ITIH4: variants seen among roughly 807,000 people sequenced by gnomAD.
ITIH4 encodes the protein inter-alpha-trypsin inhibitor heavy chain H4.
ITIH4 carries 79 observed loss-of-function variants against 111.8 expected under a neutral mutation model. That is an observed-to-expected ratio of 0.71 (90% CI 0.59 to 0.85). ITIH4 has a LOEUF of 0.85. ITIH4 is among the 40% of genes least tolerant of loss of function. The pLI is 0.00. For synonymous variants in ITIH4, 472 were observed against 468.3 expected (o/e 1.01, Z -0.10); for missense variants, 1,065 against 1,195.8 (o/e 0.89, Z 1.61).
At position 52,823,595 on chromosome 3, in the gene ITIH4, C is replaced by T; in HGVS notation, c.1500G>A (p.Arg500=). The change falls in exon 11 of 24, where the codon CGG becomes CGA. Residue 500 remains arginine, a synonymous_variant. Coordinates refer to ENST00000266041, the MANE Select transcript of ITIH4 (RefSeq NM_002218.5). ...CTGTGGCTGTGAGCACATCAGGCCCCCGGTCCTGGAGCTTCCCAGCCACCA... is the reference window on the plus strand; with the variant it reads ...CTGTGGCTGTGAGCACATCAGGCCCTCGGTCCTGGAGCTTCCCAGCCACCA... ...EMVVAGKLQD[R]GPDVLTATVS... is the part of the protein sequence containing the mutation. 1 of 1,613,452 alleles carries T rather than the reference C, an allele frequency of 6.2e-7. No homozygotes were observed. The highest frequency in any genetic ancestry group is 1.3e-5 in the African/African-American group (1 of 75,044).
At chr3:52,816,232 C>A (rs1032860112) in intron 21 of ITIH4, among the ~76,000 whole-genome samples, 1 of 152,192 alleles carries the variant, frequency 6.6e-6, no homozygotes, top group Non-Finnish European at 1.5e-5. Flanking sequence ...GGAAGACTGT[C>A]CCTGGAAGGC....
intron 18 of ITIH4, 63 bp from the exon 19 acceptor site, chr3:52,818,346 G>T: frequency 6.4e-7 from 1 of 1,565,048 alleles, no homozygotes; most frequent in South Asian, 1.2e-5. Flanking sequence ...GTTGAGGGAG[G>T]GAGCAGTGAC....
At position 52,826,838 on chromosome 3, in the gene ITIH4, C is replaced by T. The variant is rs148337590; in HGVS notation, c.472G>A (p.Glu158Lys). The change falls in exon 4 of 24, where the codon GAG becomes AAG. Residue 158 changes from glutamate (E) to lysine (K), a missense_variant. Coordinates refer to ENST00000266041, the MANE Select transcript of ITIH4 (RefSeq NM_002218.5). Reference sequence around the variant, plus strand: ...TGGGGCCGCACTTTCAGCAGCAGCTCGTACACCCCCAAACGCCGCTTGAGC... The same window carrying T: ...TGGGGCCGCACTTTCAGCAGCAGCTTGTACACCCCCAAACGCCGCTTGAGC... ...ELLKRRLGVY[E>K]LLLKVRPQQL... is the part of the protein sequence containing the mutation. The T allele has an allele frequency of 9.7e-5, 156 of 1,613,908 alleles. No homozygotes were observed. The highest frequency in any genetic ancestry group is 6.6e-4 in the Middle Eastern group (4 of 6,062).
At position 52,824,043 on chromosome 3, in the gene ITIH4, G is replaced by A. The variant is rs770738770; in HGVS notation, c.1172-39C>T. 3.9e-6 allele frequency: 6 copies of A among 1,542,942 alleles called. No individual in the cohort carries two copies. In the East Asian group the frequency reaches 1.4e-4, roughly 35 times the overall value. On this transcript the variant is annotated intron_variant, in intron 9 of 23. Coordinates refer to ENST00000266041, the MANE Select transcript of ITIH4 (RefSeq NM_002218.5). The surrounding 1 kb of genome is among the most constrained non-coding windows in gnomAD (Gnocchi z 4.3). The stretch of plus-strand genomic sequence containing the variant: ...TTTGGGATGAGGGTGAGAAAATAGT[G>A]ATTTGCTTGAAGAATATTTCTGGAA...
At chr3:52,818,367 T>G in intron 18 of ITIH4, 84 bp from the exon 19 acceptor site, 1 of 1,573,546 alleles carries the variant, frequency 6.4e-7, no homozygotes. Context: ...TAGGTGTGGC[T>G]GGGTTCCCTC....
At chr3:52,818,810 C>T in intron 17 of ITIH4, 1 of 495,958 alleles carries the variant, frequency 2.0e-6, no homozygotes, top group Non-Finnish European at 3.6e-6. Flanking sequence ...GCCCTCCCTT[C>T]CTAGAAGGTT....
chr3:52,820,483 T>A, intron 13 of ITIH4, 148 bp downstream of exon 13: 2 of 1,190,128 alleles, frequency 1.7e-6, no homozygotes, highest in Non-Finnish European at 2.4e-6. Flanking sequence ...CCGGCTTCAC[T>A]TTCCTCATCA....
At position 52,823,578 on chromosome 3, in the gene ITIH4, G is replaced by A. The variant is rs749844636; in HGVS notation, c.1517C>T (p.Thr506Ile). ...KLQDRGPDVL[T>I]ATVSGKLPTQ... Reference sequence around the variant, plus strand: ...CACCAGCTTCCCACTGACTGTGGCTGTGAGCACATCAGGCCCCCGGTCCTG... The same window carrying A: ...CACCAGCTTCCCACTGACTGTGGCTATGAGCACATCAGGCCCCCGGTCCTG... Residue 506 changes from threonine to isoleucine, a missense_variant, in exon 11 of 24, where the codon ACA (threonine) becomes ATA (isoleucine). By Grantham distance (89) the Thr-to-Ile change is moderately conservative. Transcript: ENST00000266041. 4 of 1,611,246 alleles carry A rather than the reference G, an allele frequency of 2.5e-6. No individual in the cohort carries two copies. In the East Asian group the frequency reaches 6.7e-5, roughly 27 times the overall value.
intron 2 of ITIH4, 40 bp downstream of exon 2, chr3:52,829,079 G>C (rs1337430534): frequency 6.5e-7 from 1 of 1,546,848 alleles, no homozygotes; most frequent in Admixed American, 1.8e-5. Context: ...TCATAGCACT[G>C]GGGGGTGTGG....
chr3:52,830,530 C>G lies in ITIH4; in HGVS notation c.90+23G>C, dbSNP rs762992829. 6.8e-6 allele frequency: 11 copies of G among 1,609,670 alleles called. No homozygotes were observed. In the African/African-American group the frequency reaches 1.2e-4, roughly 18 times the overall value. Reference sequence around the variant, plus strand: ...GCGTTCTCTCATCCCCCAGCTCACGCCACACCCATGGACACTGGCTACCTT... The same window carrying G: ...GCGTTCTCTCATCCCCCAGCTCACGGCACACCCATGGACACTGGCTACCTT... On this transcript the variant is annotated intron_variant, in intron 1 of 23. Transcript: ENST00000266041.
chr3:52,815,346 C>T (rs372102080), intron 21 of ITIH4, among the ~76,000 whole-genome samples: 3 of 151,292 alleles, frequency 2.0e-5, no homozygotes, highest in Admixed American at 6.6e-5. Flanking sequence ...TGGGTTCAAG[C>T]GGTTCTCCTA....
chr3:52,830,668 C>T lies in ITIH4; in HGVS notation c.-26G>A, dbSNP rs748780735. 22 of 1,570,966 alleles carry T rather than the reference C, an allele frequency of 1.4e-5. No homozygotes were observed. Among genetic ancestry groups the T allele is most frequent in the Middle Eastern group, 3.4e-4 (2 of 5,878 alleles). ...CGTGGCTCCAGTGTCTGCCAGGAGG[C>T]TTCTGAACTCGACAGCAAGTGGGGA... is the stretch of plus-strand genomic sequence containing the variant. On this transcript the variant is annotated 5_prime_UTR_variant, in exon 1 of 24. Transcript: ENST00000266041.
chr3:52,814,880 G>A (rs3774358), intron 21 of ITIH4, among the ~76,000 whole-genome samples: 28,243 of 151,876 alleles, frequency 0.19, 3,356 homozygotes, highest in East Asian at 0.53. Flanking sequence ...CACCGCACCC[G>A]GCCTCTGGTT....
intron 18 of ITIH4, 72 bp downstream of exon 18, chr3:52,818,390 T>G: frequency 1.3e-6 from 2 of 1,574,802 alleles, no homozygotes; most frequent in Non-Finnish European, 1.7e-6. Flanking sequence ...TACTTCAACA[T>G]CGAGACATGT....
In ITIH4 at chr3:52,817,006, G is replaced by A. The variant is rs777187678; in HGVS notation, c.2349C>T (p.Ile783=). The part of the protein sequence containing the change: ...YEREKAGFSW[I]EVTFKNPLVW... ...CCAGGGGGTTCTTGAAGGTCACTTC[G>A]ATCCATGAGAACCCAGCCTTCTCCC... The change falls in exon 21 of 24, where the codon ATC becomes ATT. Residue 783 remains isoleucine, a synonymous_variant. Coordinates refer to ENST00000266041, the MANE Select transcript of ITIH4 (RefSeq NM_002218.5). The A allele has an allele frequency of 6.2e-6, 10 of 1,613,834 alleles. No homozygotes were observed. Among genetic ancestry groups the A allele is most frequent in the African/African-American group, 5.3e-5 (4 of 74,926 alleles).
chr3:52,823,584 A>G lies in ITIH4; in HGVS notation c.1511T>C (p.Val504Ala). 1 of 1,612,108 alleles carries G rather than the reference A, an allele frequency of 6.2e-7. No individual in the cohort carries two copies. Among genetic ancestry groups the G allele is most frequent in the Non-Finnish European group, 8.5e-7 (1 of 1,179,364 alleles). The change falls in exon 11 of 24, where the codon GTG becomes GCG. Residue 504 changes from valine (V) to alanine (A), a missense_variant. By Grantham distance (64) the Val-to-Ala change is moderately conservative. Coordinates refer to ENST00000266041, the MANE Select transcript of ITIH4 (RefSeq NM_002218.5). ...AGKLQDRGPD[V>A]LTATVSGKLP... ...CTTCCCACTGACTGTGGCTGTGAGC[A>G]CATCAGGCCCCCGGTCCTGGAGCTT...
intron 16 of ITIH4, 100 bp from the exon 17 acceptor site, chr3:52,819,618 C>A: frequency 6.4e-7 from 1 of 1,574,736 alleles, no homozygotes; most frequent in Non-Finnish European, 8.7e-7. Context: ...GAGAGGGCAG[C>A]TATGTCCCCT....
At chr3:52,829,367 G>A in intron 1 of ITIH4, 88 bp from the exon 2 acceptor site, 1 of 1,407,482 alleles carries the variant, frequency 7.1e-7, no homozygotes, top group Non-Finnish European at 9.7e-7. Flanking sequence ...CCTGACTCTG[G>A]CTCTAGACCA....
chr3:52,830,299 G>C (rs1445722666), intron 1 of ITIH4: 1 of 560,454 alleles, frequency 1.8e-6, no homozygotes, highest in Non-Finnish European at 3.4e-6. Context: ...ACTAAAAGGC[G>C]GTAGAGCCAG....
Sources: gnomAD v4.1 joint callset for allele counts (sites outside exome capture counted in the v4.1 genomes callset) on GRCh38, gnomAD v4.1.1 for gene constraint, Gnocchi (gnomAD v3.1) non-coding constraint, MANE v1.5 for transcripts, NCBI Gene and HGNC (gene_info 2026-07-23, HGNC 2026-07-21) for gene names.